The following RRBP1 variants were observed in gnomAD, a reference collection of about 807,000 sequenced individuals.
The protein encoded by RRBP1 is ribosome-binding protein 1.
Under a neutral mutation model 165.2 loss-of-function variants are expected in RRBP1, and 94 were observed. The observed-to-expected ratio is 0.57, with a 90% CI of 0.48 to 0.68. The LOEUF is 0.68. Ranked by LOEUF, RRBP1 falls within the 30% of genes least tolerant of loss-of-function variation. The pLI is 0.00. For synonymous variants in RRBP1, 680 were observed against 714.5 expected, an observed-to-expected ratio of 0.95 and a Z score of 0.77; for missense variants, 1,676 against 1,763.0, an observed-to-expected ratio of 0.95 and a Z score of 0.88.
Position 17,613,912 on chromosome 20 carries a change from C to CA in RRBP1, c.*269dup, listed in dbSNP as rs952098207. 9.3e-6 allele frequency: 4 copies of CA among 431,114 alleles called. No homozygotes were observed. Among genetic ancestry groups the CA allele is most frequent in the East Asian group, 3.9e-5 (1 of 25,324 alleles). The allele number at this position is 431,114 out of a possible 1,614,324, so 26.7% of individuals were successfully genotyped here. A position where few individuals can be genotyped will look rare whatever the true frequency, so the allele number is the denominator to read the frequency against. The stretch of plus-strand genomic sequence containing the variant: ...GCCTCCCACACACCCACGGGGCTGT[C>CA]AGAGTCAACCAGGGCTTTGGCGTCA... On this transcript the variant is annotated 3_prime_UTR_variant, in exon 25 of 25. Transcript: ENST00000377813.
intron 3 of RRBP1, among the ~76,000 whole-genome samples, chr20:17,648,864 AAGG>A (rs1477562729): frequency 3.3e-5 from 5 of 152,192 alleles, no homozygotes; most frequent in Admixed American, 6.5e-5. Flanking sequence ...AGGCTGGCCC[AAGG>A]AGAATACAGT....
In RRBP1 at chr20:17,659,657, C is replaced by T. The variant is rs542490648; in HGVS notation, c.851G>A (p.Gly284Glu). 5 of 1,550,398 alleles carry T rather than the reference C, an allele frequency of 3.2e-6. No homozygotes were observed. In the Admixed American group the frequency reaches 9.8e-5, roughly 30 times the overall value. ...GGCCTTTCTGCCCTGGGTTGGGGCC[C>T]CCTCCACCTTTTTCCCCTGGTTTGG... ...TTPNQGKKVE[G>E]APTQGRKAEG... The change falls in exon 3 of 25, where the codon GGG becomes GAG. Residue 284 changes from glycine (G) to glutamate (E), a missense_variant. Physicochemically the swap from Gly to Glu is moderately conservative, Grantham distance 98. Transcript: ENST00000377813.
chr20:17,641,765 A>G, intron 5 of RRBP1, 32 bp downstream of exon 5: 1 of 1,609,590 alleles, frequency 6.2e-7, no homozygotes, highest in Non-Finnish European at 8.5e-7. Context: ...ACGGGAGAGG[A>G]CAAACCATCT....
chr20:17,641,738 G>A (rs759207527), intron 5 of RRBP1, 59 bp downstream of exon 5: 57 of 1,598,538 alleles, frequency 3.6e-5, no homozygotes, highest in South Asian at 2.2e-4. Flanking sequence ...CGTGGATGGG[G>A]CGGGGGTCCT....
chr20:17,622,221 C>T (rs534610036), intron 13 of RRBP1, among the ~76,000 whole-genome samples: 4 of 152,294 alleles, frequency 2.6e-5, no homozygotes, highest in African/African-American at 4.8e-5. Context: ...TGCCAGCTCC[C>T]GGGACATCTC....
At chr20:17,674,784 C>G (rs1449985549) in intron 2 of RRBP1, among the ~76,000 whole-genome samples, 3 of 152,072 alleles carry the variant, frequency 2.0e-5, no homozygotes, top group African/African-American at 4.8e-5. Context: ...CCCTTCTCCC[C>G]CTAAGGAACA....
At chr20:17,666,473 G>A in intron 2 of RRBP1, among the ~76,000 whole-genome samples, 1 of 152,096 alleles carries the variant, frequency 6.6e-6, no homozygotes, top group East Asian at 1.9e-4. Context: ...CTCAGCTACA[G>A]ACAACCAGCA....
At position 17,629,241 on chromosome 20, in the gene RRBP1, G is replaced by A. The variant is rs1046763432; in HGVS notation, c.2749+582C>T. Among the ~76,000 whole-genome samples the A allele has an allele frequency of 1.2e-4, 18 of 152,226 alleles. No homozygotes were observed. The East Asian group carries it at 1.7e-3, about 15-fold the overall frequency. Reference sequence around the variant, plus strand: ...TGGCCTGGGGAGGGGCTCGGGAAGCGCCAGTGAGCCAAGGGCCACGGGCCT... The same window carrying A: ...TGGCCTGGGGAGGGGCTCGGGAAGCACCAGTGAGCCAAGGGCCACGGGCCT... On this transcript the variant is annotated intron_variant, in intron 9 of 24. Coordinates refer to ENST00000377813, the MANE Select transcript of RRBP1 (RefSeq NM_001365613.2).
At chr20:17,635,005 A>G (rs1426251118) in intron 7 of RRBP1, among the ~76,000 whole-genome samples, 1 of 152,186 alleles carries the variant, frequency 6.6e-6, no homozygotes, top group East Asian at 1.9e-4. Flanking sequence ...TCGGGATAAC[A>G]CAGAGCTCTG....
intron 3 of RRBP1, among the ~76,000 whole-genome samples, chr20:17,651,533 A>ATAAT (rs1197761539): frequency 2.0e-5 from 3 of 152,232 alleles, no homozygotes; most frequent in Admixed American, 2.0e-4. Context: ...TGAATGTGGC[A>ATAAT]GTTTCGCAGG....
intron 20 of RRBP1, among the ~76,000 whole-genome samples, chr20:17,617,789 T>C (rs1340979048): frequency 6.6e-6 from 1 of 152,220 alleles, no homozygotes; most frequent in Non-Finnish European, 1.5e-5. Flanking sequence ...GCAGGGGGAA[T>C]GCCAGCCCAT....
intron 2 of RRBP1, among the ~76,000 whole-genome samples, chr20:17,664,942 GCTC>G (rs1348359931): frequency 6.6e-6 from 1 of 152,066 alleles, no homozygotes; most frequent in Non-Finnish European, 1.5e-5. Context: ...AGAATCAACA[GCTC>G]CTAATTTTTA....
At position 17,625,084 on chromosome 20, in the gene RRBP1, C is replaced by A. The variant is rs574453138; in HGVS notation, c.3055-416G>T. On this transcript the variant is annotated intron_variant, in intron 12 of 24. Transcript: ENST00000377813. ...AAGCTGCAGCCTCTGCAGGGAGCAA[C>A]AGGGCCAGCCAGCAAGCCCGGCTCT... is the stretch of plus-strand genomic sequence containing the variant. Among the ~76,000 whole-genome samples, 6 of 152,270 alleles carry A rather than the reference C, an allele frequency of 3.9e-5. No homozygotes were observed. In the South Asian group the frequency reaches 6.2e-4, roughly 16 times the overall value.
Position 17,620,735 on chromosome 20 carries a change from C to T in RRBP1, c.3487G>A (p.Ala1163Thr), listed in dbSNP as rs759693376. Residue 1163 changes from alanine to threonine, a missense_variant, in exon 17 of 25, where the codon GCA (alanine) becomes ACA (threonine). Ala to Thr is a moderately conservative substitution (Grantham distance 58). Transcript: ENST00000377813. ...TATACCTTCTGGAGCTCCTCCTCTG[C>T]GGCGCCCACCTTGGCCCTCCACACC... Reference protein sequence around the residue: ...EQVWRAKVGAAEEELQKSRVT... With the variant: ...EQVWRAKVGATEEELQKSRVT... 44 of 1,606,398 alleles carry T rather than the reference C, an allele frequency of 2.7e-5. No homozygotes were observed. The highest frequency in any genetic ancestry group is 1.7e-4 in the Middle Eastern group (1 of 6,060).
chr20:17,658,506 G>T, intron 3 of RRBP1, 90 bp downstream of exon 3: 2 of 1,120,432 alleles, frequency 1.8e-6, no homozygotes, highest in Non-Finnish European at 2.5e-6. Context: ...GACAATAGCT[G>T]ACTGATACAG....
At chr20:17,632,617 T>G (rs948731100) in intron 8 of RRBP1, among the ~76,000 whole-genome samples, 2 of 152,190 alleles carry the variant, frequency 1.3e-5, no homozygotes, top group African/African-American at 4.8e-5. Flanking sequence ...CCCCACGCAC[T>G]ACAGCCTGGT....
chr20:17,680,805 C>T (rs1247204395), intron 1 of RRBP1, among the ~76,000 whole-genome samples: 1 of 152,038 alleles, frequency 6.6e-6, no homozygotes, highest in Non-Finnish European at 1.5e-5. Context: ...CACCCCCCAA[C>T]AAAAGCATCC....
At chr20:17,653,526 G>A (rs1333406722) in intron 3 of RRBP1, among the ~76,000 whole-genome samples, 2 of 152,240 alleles carry the variant, frequency 1.3e-5, no homozygotes, top group South Asian at 4.1e-4. Flanking sequence ...AATACATACA[G>A]ATCACACGCC....
intron 13 of RRBP1, among the ~76,000 whole-genome samples, 162 bp from the exon 14 acceptor site, chr20:17,622,109 G>C (rs978972994): frequency 2.6e-5 from 4 of 152,192 alleles, no homozygotes; most frequent in Non-Finnish European, 4.4e-5. Context: ...GGCTCCATGG[G>C]GCTGACTGTA....
Sources: gnomAD v4.1 joint callset for allele counts (sites outside exome capture counted in the v4.1 genomes callset) on GRCh38, gnomAD v4.1.1 for gene constraint, MANE v1.5 for transcripts, NCBI Gene and HGNC (gene_info 2026-07-23, HGNC 2026-07-21) for gene names.